Variants in OSBPL9 observed in about 807,000 individuals in gnomAD.
The protein encoded by OSBPL9 is oxysterol binding protein like 9, also known as oxysterol-binding protein-related protein 9.
A neutral mutation model predicts 106.6 loss-of-function variants in OSBPL9; 40 were observed. That is an observed-to-expected ratio of 0.38 (90% CI 0.29 to 0.49). OSBPL9 has a LOEUF of 0.49. Among genes scored for constraint, OSBPL9 ranks in the 20% least tolerant of loss-of-function variants. OSBPL9 has a pLI of 0.97. For missense variants in OSBPL9, 609 were observed against 887.2 expected, an observed-to-expected ratio of 0.69 and a Z score of 3.98; for synonymous variants, 269 against 295.4, an observed-to-expected ratio of 0.91 and a Z score of 0.92.
chr1:51,743,793 G>T (rs987597365), intron 4 of OSBPL9, among the ~76,000 whole-genome samples: 1 of 152,040 alleles, frequency 6.6e-6, no homozygotes, highest in African/African-American at 2.4e-5. Flanking sequence ...TTCTTTCATA[G>T]TACAGTACTC....
chr1:51,548,778 A>C, the OSBPL9 span, among the ~76,000 whole-genome samples: 30 of 152,340 alleles, frequency 2.0e-4, no homozygotes, highest in African/African-American at 7.0e-4. Flanking sequence ...CAGCTTTAAA[A>C]AATATTCAAA....
intron 3 of OSBPL9, among the ~76,000 whole-genome samples, chr1:51,680,962 A>G (rs191848478): frequency 9.9e-5 from 15 of 152,162 alleles, no homozygotes; most frequent in Admixed American, 4.6e-4. Flanking sequence ...TGCCAACTCA[A>G]TGTCACTGCA....
At chr1:51,727,191 T>A in intron 4 of OSBPL9, among the ~76,000 whole-genome samples, 1 of 150,130 alleles carries the variant, frequency 6.7e-6, no homozygotes, top group African/African-American at 2.5e-5. Context: ...TAATATGGAA[T>A]TAAGTCCCTA....
chr1:51,545,209 G>C, the OSBPL9 span, among the ~76,000 whole-genome samples: 1 of 151,976 alleles, frequency 6.6e-6, no homozygotes, highest in Non-Finnish European at 1.5e-5. Flanking sequence ...ATGTGAACTG[G>C]GTTGCGATCT....
intron 1 of OSBPL9, among the ~76,000 whole-genome samples, chr1:51,597,564 A>G (rs1167182368): frequency 1.3e-5 from 2 of 151,964 alleles, no homozygotes; most frequent in African/African-American, 4.8e-5. Context: ...GGCTACAAAT[A>G]TAAATTTGGA....
intron 4 of OSBPL9, chr1:51,730,119 C>A: frequency 8.0e-7 from 1 of 1,249,208 alleles, no homozygotes; most frequent in African/African-American, 1.5e-5. Flanking sequence ...CCCGCCGCCC[C>A]CTGGGGTGAG....
At chr1:51,654,112 C>T (rs1025673071) in intron 2 of OSBPL9, among the ~76,000 whole-genome samples, 1 of 152,074 alleles carries the variant, frequency 6.6e-6, no homozygotes, top group African/African-American at 2.4e-5. Context: ...CACTACATTC[C>T]TCTGTCCATT....
At chr1:51,556,208 C>T in the OSBPL9 span, among the ~76,000 whole-genome samples, 41 of 152,296 alleles carry the variant, frequency 2.7e-4, no homozygotes, top group East Asian at 4.4e-3. Flanking sequence ...AGTTAATTGT[C>T]ACCCAATAGA....
intron 1 of OSBPL9, among the ~76,000 whole-genome samples, chr1:51,627,302 G>T (rs951329848): frequency 1.1e-4 from 16 of 147,752 alleles, no homozygotes; most frequent in African/African-American, 4.0e-4. Flanking sequence ...CACCTGGCTA[G>T]TTTTTTTTTT....
intron 9 of OSBPL9, among the ~76,000 whole-genome samples, chr1:51,759,334 A>C (rs1259431496): frequency 6.6e-6 from 1 of 152,096 alleles, no homozygotes; most frequent in Non-Finnish European, 1.5e-5. Context: ...AACAGTCCTG[A>C]ACACAGTGTA....
intron 4 of OSBPL9, among the ~76,000 whole-genome samples, chr1:51,738,919 C>T (rs1225907820): frequency 2.6e-5 from 4 of 151,958 alleles, no homozygotes; most frequent in Non-Finnish European, 4.4e-5. Flanking sequence ...GGAAGTAGAA[C>T]ACCTACCACT....
At chr1:51,708,426 C>T (rs572589966) in intron 3 of OSBPL9, among the ~76,000 whole-genome samples, 1 of 152,114 alleles carries the variant, frequency 6.6e-6, no homozygotes, top group East Asian at 1.9e-4. Context: ...ATCTGTTTTA[C>T]ATTTGTTGTA....
At chr1:51,546,880 A>G in the OSBPL9 span, among the ~76,000 whole-genome samples, 1 of 152,276 alleles carries the variant, frequency 6.6e-6, no homozygotes, top group South Asian at 2.1e-4. Context: ...AAAGATATAA[A>G]CAGAGAGGAA....
chr1:51,692,517 G>A (rs1655171466), intron 3 of OSBPL9, among the ~76,000 whole-genome samples: 1 of 152,066 alleles, frequency 6.6e-6, no homozygotes, highest in Non-Finnish European at 1.5e-5. Flanking sequence ...CAGCATCAGG[G>A]TGGCTATGTC....
chr1:51,638,515 G>C (rs979418038), intron 1 of OSBPL9, among the ~76,000 whole-genome samples: 1 of 151,814 alleles, frequency 6.6e-6, no homozygotes, highest in Non-Finnish European at 1.5e-5. Context: ...TTGAGGCCAG[G>C]AATTTGAGAC....
At chr1:51,692,012 AAT>A (rs1379312814) in intron 3 of OSBPL9, among the ~76,000 whole-genome samples, 1 of 152,208 alleles carries the variant, frequency 6.6e-6, no homozygotes, top group African/African-American at 2.4e-5. Context: ...TACACTCTAA[AAT>A]AAAGATAAAA....
At chr1:51,617,881 A>G (rs1252436501) in intron 1 of OSBPL9, among the ~76,000 whole-genome samples, 3 of 152,224 alleles carry the variant, frequency 2.0e-5, no homozygotes, top group Admixed American at 2.0e-4. Flanking sequence ...GCGAAGAGAG[A>G]CAAGTGATAG....
intron 1 of OSBPL9, among the ~76,000 whole-genome samples, chr1:51,643,894 A>G (rs1027052074): frequency 5.9e-5 from 9 of 151,728 alleles, no homozygotes; most frequent in Non-Finnish European, 1.3e-4. Context: ...AGCTTGGGCA[A>G]CAAGGCGAAA....
chr1:51,765,831 A>G lies in OSBPL9; in HGVS notation c.788A>G (p.His263Arg). The G allele has an allele frequency of 6.2e-7, 1 of 1,612,490 alleles. No individual in the cohort carries two copies. Among genetic ancestry groups the G allele is most frequent in the Non-Finnish European group, 8.5e-7 (1 of 1,179,458 alleles). The change falls in exon 12 of 24, where the codon CAT becomes CGT. Residue 263 changes from histidine to arginine, a missense_variant. Physicochemically the swap from His to Arg is conservative, Grantham distance 29. Coordinates refer to ENST00000428468, the MANE Select transcript of OSBPL9 (RefSeq NM_024586.6). ...TPTPNSTGSG[H>R]SPPSSSLTSP... ...CCTTTTAACTTCCTAGGCAGTGGCC[A>G]TTCACCACCGAGTAGCAGTCTCACT...
Sources: gnomAD v4.1 joint callset for allele counts (sites outside exome capture counted in the v4.1 genomes callset) on GRCh38, gnomAD v4.1.1 for gene constraint, MANE v1.5 for transcripts, NCBI Gene and HGNC (gene_info 2026-07-23, HGNC 2026-07-21) for gene names.